OR2L13: variants seen among roughly 807,000 people sequenced by gnomAD.
OR2L13 encodes olfactory receptor 2L13.
OR2L13 carries 14 observed loss-of-function variants against 15.3 expected under a neutral mutation model. The observed-to-expected ratio is 0.91, with a 90% confidence interval of 0.60 to 1.43. The LOEUF is 1.43. Ranked by LOEUF, OR2L13 falls within the 40% of genes most tolerant of loss-of-function variation. The pLI, the probability that OR2L13 is intolerant of heterozygous loss-of-function variation, is 0.00. For missense variants in OR2L13, 367 were observed against 387.9 expected, an observed-to-expected ratio of 0.95 and a Z score of 0.45; for synonymous variants, 152 against 142.9, an observed-to-expected ratio of 1.06 and a Z score of -0.45.
the OR2L13 span, among the ~76,000 whole-genome samples, chr1:248,057,267 T>A: frequency 2.0e-5 from 3 of 152,106 alleles, no homozygotes; most frequent in Non-Finnish European, 4.4e-5. Flanking sequence ...TGTGTAGGGG[T>A]CTAAGTCTCT....
upstream of OR2L13, among the ~76,000 whole-genome samples, chr1:248,094,559 A>G (rs1171723628): frequency 6.6e-6 from 1 of 152,238 alleles, no homozygotes; most frequent in East Asian, 1.9e-4. Flanking sequence ...AATTAGTGGC[A>G]TAGCTGTCAG....
At chr1:248,081,409 G>A in the OR2L13 span, among the ~76,000 whole-genome samples, 3 of 152,068 alleles carry the variant, frequency 2.0e-5, no homozygotes, top group Non-Finnish European at 4.4e-5. Context: ...CGTCGTTGCT[G>A]TAGCTTTCGC....
At chr1:248,080,516 G>C in the OR2L13 span, among the ~76,000 whole-genome samples, 1 of 152,190 alleles carries the variant, frequency 6.6e-6, no homozygotes, top group Non-Finnish European at 1.5e-5. Flanking sequence ...TTATGAATGA[G>C]AACATGCAGT....
At chr1:247,987,715 A>G in the OR2L13 span, among the ~76,000 whole-genome samples, 1 of 152,034 alleles carries the variant, frequency 6.6e-6, no homozygotes. Context: ...TGATTTAAGT[A>G]TCTCAAATAC....
the OR2L13 span, chr1:247,974,965 C>T: frequency 3.3e-6 from 1 of 301,926 alleles, no homozygotes; most frequent in Non-Finnish European, 6.8e-6. Flanking sequence ...TACATCTCCA[C>T]TATTGTCCCC....
the OR2L13 span, chr1:248,022,101 A>T: frequency 6.2e-7 from 1 of 1,613,824 alleles, no homozygotes; most frequent in Non-Finnish European, 8.5e-7. Flanking sequence ...CTTCTTGGAC[A>T]CCCATCTCCA....
chr1:248,021,908 C>T, the OR2L13 span: 1 of 1,527,792 alleles, frequency 6.5e-7, no homozygotes, highest in Non-Finnish European at 9.0e-7. Flanking sequence ...ACTTGACTTA[C>T]CCTTGTGTCT....
the OR2L13 span, among the ~76,000 whole-genome samples, chr1:248,044,679 T>TGA: frequency 1.7e-5 from 2 of 117,444 alleles, 1 homozygote; most frequent in Non-Finnish European, 3.1e-5. Context: ...GGCGGGCGCC[T>TGA]GTAGTCCCAG....
At chr1:248,025,231 T>G in the OR2L13 span, among the ~76,000 whole-genome samples, 1 of 146,568 alleles carries the variant, frequency 6.8e-6, no homozygotes, top group African/African-American at 2.6e-5. Context: ...GAATCTACAA[T>G]GAACTCAAAC....
At chr1:248,016,067 A>G in the OR2L13 span, among the ~76,000 whole-genome samples, 68 of 152,316 alleles carry the variant, frequency 4.5e-4, 1 homozygote, top group East Asian at 7.1e-3. Context: ...TAATGAGACT[A>G]TCACTGAAAA....
the OR2L13 span, among the ~76,000 whole-genome samples, chr1:248,068,177 A>ACC: frequency 6.6e-6 from 1 of 152,132 alleles, no homozygotes; most frequent in Non-Finnish European, 1.5e-5. Context: ...AGATCTGAGA[A>ACC]AGGGCAGACT....
the OR2L13 span, among the ~76,000 whole-genome samples, chr1:248,001,162 C>T: frequency 6.6e-6 from 1 of 152,100 alleles, no homozygotes; most frequent in Non-Finnish European, 1.5e-5. Flanking sequence ...TACTGAAAAT[C>T]TCTGAATCTC....
At chr1:248,026,690 T>C in the OR2L13 span, among the ~76,000 whole-genome samples, 13 of 152,336 alleles carry the variant, frequency 8.5e-5, no homozygotes, top group African/African-American at 2.9e-4. Context: ...CCCAAATTAA[T>C]ACTTTTATAA....
chr1:247,990,719 G>C, the OR2L13 span: 1 of 1,556,674 alleles, frequency 6.4e-7, no homozygotes, highest in Non-Finnish European at 8.9e-7. Context: ...TGGATGATAG[G>C]CTCCATCAAC....
At chr1:248,017,162 G>C in the OR2L13 span, among the ~76,000 whole-genome samples, 1 of 152,018 alleles carries the variant, frequency 6.6e-6, no homozygotes, top group Admixed American at 6.6e-5. Context: ...TTTTAGAAGA[G>C]TTATAAAAAT....
the OR2L13 span, among the ~76,000 whole-genome samples, chr1:248,057,684 C>T: frequency 6.6e-6 from 1 of 152,056 alleles, no homozygotes; most frequent in Non-Finnish European, 1.5e-5. Flanking sequence ...TCAGCATTTT[C>T]TCATTTTCAA....
At chr1:248,073,003 TA>T in the OR2L13 span, among the ~76,000 whole-genome samples, 1 of 40,064 alleles carries the variant, frequency 2.5e-5, no homozygotes, top group Non-Finnish European at 1.5e-4. Context: ...TGTGGAGAAA[TA>T]GGAACACTTT....
At chr1:248,060,910 G>A in the OR2L13 span, 1 of 1,613,786 alleles carries the variant, frequency 6.2e-7, no homozygotes, top group Non-Finnish European at 8.5e-7. Context: ...CTCCACCATT[G>A]TTCCTAAGAT....
the OR2L13 span, chr1:247,991,177 A>T: frequency 1.9e-6 from 3 of 1,602,868 alleles, no homozygotes; most frequent in Non-Finnish European, 2.6e-6. Context: ...GACACGAGTG[A>T]TTCAGAAAAT....
Sources: allele counts gnomAD v4.1 joint callset (sites outside exome capture counted in the v4.1 genomes callset), GRCh38; gene constraint gnomAD v4.1.1; transcripts MANE v1.5; gene names NCBI Gene and HGNC (gene_info 2026-07-23, HGNC 2026-07-21).